ESYT2: variants seen among roughly 807,000 people sequenced by gnomAD.
ESYT2 encodes the protein extended synaptotagmin 2.
In ESYT2, 54 loss-of-function variants were observed where a neutral mutation model predicts 107.2. The observed-to-expected ratio is 0.50, with a 90% CI of 0.40 to 0.63. The LOEUF is 0.63. Ranked by LOEUF, ESYT2 falls within the 30% of genes least tolerant of loss-of-function variation. ESYT2 has a pLI of 0.00. For synonymous variants in ESYT2, 491 were observed against 434.1 expected (o/e 1.13, Z -1.63); for missense variants, 1,020 against 1,094.5 (o/e 0.93, Z 0.96).
chr7:158,808,330 C>G (rs145280220), intron 1 of ESYT2, among the ~76,000 whole-genome samples: 3 of 152,250 alleles, frequency 2.0e-5, no homozygotes, highest in African/African-American at 4.8e-5. Context: ...ACGTTCGCGC[C>G]GAGCATGCTC....
chr7:158,768,871 T>TAAAC (rs1838258020), intron 7 of ESYT2, among the ~76,000 whole-genome samples: 1 of 152,214 alleles, frequency 6.6e-6, no homozygotes, highest in Non-Finnish European at 1.5e-5. Flanking sequence ...CATCTCTATT[T>TAAAC]AAACAAACAA....
chr7:158,766,224 T>C (rs1838160142), intron 8 of ESYT2, among the ~76,000 whole-genome samples: 4 of 152,288 alleles, frequency 2.6e-5, no homozygotes, highest in African/African-American at 7.2e-5. Context: ...CAGGAATACA[T>C]GTCCCCCCAC....
intron 16 of ESYT2, among the ~76,000 whole-genome samples, chr7:158,745,644 T>G (rs1188942902): frequency 1.3e-5 from 2 of 152,026 alleles, no homozygotes; most frequent in Admixed American, 6.6e-5. Context: ...ATACAAAGTA[T>G]GTACTCTGAC....
At chr7:158,741,273 C>T (rs1837191233) in intron 18 of ESYT2, among the ~76,000 whole-genome samples, 1 of 152,214 alleles carries the variant, frequency 6.6e-6, no homozygotes. Flanking sequence ...TACTGTGAAA[C>T]CTATTACTCC....
At chr7:158,792,121 C>T (rs1004591744) in intron 4 of ESYT2, among the ~76,000 whole-genome samples, 27 of 147,096 alleles carry the variant, frequency 1.8e-4, no homozygotes, top group African/African-American at 6.2e-4. Flanking sequence ...ACTTTGTATC[C>T]GGCTACTTTC....
intron 1 of ESYT2, among the ~76,000 whole-genome samples, chr7:158,800,707 GTTTC>G (rs1252516053): frequency 3.3e-5 from 5 of 150,118 alleles, no homozygotes; most frequent in East Asian, 2.0e-4. Context: ...TTTTAAATAG[GTTTC>G]TTTTTCTTTT....
intron 1 of ESYT2, among the ~76,000 whole-genome samples, chr7:158,822,843 C>T (rs1170146526): frequency 6.6e-6 from 1 of 152,010 alleles, no homozygotes; most frequent in Non-Finnish European, 1.5e-5. Flanking sequence ...AATTCATATA[C>T]CTAACCCTTT....
Position 158,760,074 on chromosome 7 carries a change from G to A in ESYT2, c.1307C>T (p.Ala436Val), listed in dbSNP as rs1227510268. ...RLEWLTLMPN[A>V]SNLDKVLTDI... ...CAACAGCACCTTGTCGAGGTTTGAC[G>A]CATTTGGCATTAACGTGAGCCACTC... Residue 436 changes from alanine (A) to valine (V), a missense_variant, in exon 12 of 23, where the codon GCG becomes GTG. Transcript: ENST00000275418. 6.8e-6 allele frequency: 11 copies of A among 1,614,018 alleles called. No individual in the cohort carries two copies. The highest frequency in any genetic ancestry group is 1.7e-5 in the Admixed American group (1 of 59,996).
rs1437768397 is a variant in ESYT2, at chr7:158,761,502, T to C, written c.1227A>G (p.Leu409=). 1 of 1,613,986 alleles carries C rather than the reference T, an allele frequency of 6.2e-7. No homozygotes were observed. Among genetic ancestry groups the C allele is most frequent in the Non-Finnish European group, 8.5e-7 (1 of 1,179,966 alleles). The change falls in exon 11 of 23, where the codon TTA becomes TTG. Residue 409 remains leucine, a synonymous_variant. Transcript: ENST00000275418. ...DLIEVEKERL[L]DEWFTLDEVP... ...ACACTCCAGGGAAACTTACTTCATC[T>C]AAAAGGCGCTCCTTTTCAACTTCAA...
intron 1 of ESYT2, among the ~76,000 whole-genome samples, chr7:158,825,287 C>T (rs887399060): frequency 5.3e-5 from 8 of 152,128 alleles, no homozygotes; most frequent in South Asian, 4.2e-4. Context: ...AGTGAGACTC[C>T]GTCTCAAAAA....
chr7:158,828,375 T>C (rs781236561), intron 1 of ESYT2, among the ~76,000 whole-genome samples: 1 of 152,234 alleles, frequency 6.6e-6, no homozygotes, highest in Non-Finnish European at 1.5e-5. Context: ...CTGGGCGCTC[T>C]GAGAGCAGAA....
intron 8 of ESYT2, 26 bp downstream of exon 8, chr7:158,767,628 G>C: frequency 1.2e-6 from 2 of 1,601,080 alleles, no homozygotes; most frequent in Non-Finnish European, 1.7e-6. Context: ...GTTTTTAAAT[G>C]TGAATGGATG....
At chr7:158,739,198 A>T in intron 18 of ESYT2, 77 bp from the exon 19 acceptor site, 1 of 1,209,884 alleles carries the variant, frequency 8.3e-7, no homozygotes, top group South Asian at 1.3e-5. Context: ...ACTGTACACG[A>T]TAAAATAATT....
intron 6 of ESYT2, among the ~76,000 whole-genome samples, chr7:158,781,885 G>A (rs578176511): frequency 6.6e-6 from 1 of 150,892 alleles, no homozygotes; most frequent in Non-Finnish European, 1.5e-5. Flanking sequence ...GAACAAGTAA[G>A]AACGAGAACA....
At chr7:158,766,660 C>T (rs937689485) in intron 8 of ESYT2, among the ~76,000 whole-genome samples, 3 of 152,186 alleles carry the variant, frequency 2.0e-5, no homozygotes, top group African/African-American at 7.2e-5. Flanking sequence ...AAAAAGGCAT[C>T]AGGAGAAAGC....
intron 1 of ESYT2, among the ~76,000 whole-genome samples, chr7:158,801,151 GGGA>G (rs1455758225): frequency 1.3e-5 from 2 of 152,220 alleles, no homozygotes; most frequent in East Asian, 3.9e-4. Context: ...ACAGGAGCAC[GGGA>G]GGAGCTGCCT....
chr7:158,818,781 G>C (rs1243674948), intron 1 of ESYT2, among the ~76,000 whole-genome samples: 1 of 152,248 alleles, frequency 6.6e-6, no homozygotes, highest in African/African-American at 2.4e-5. Flanking sequence ...CCAAGGGCAG[G>C]GAGTTAGGAA....
At chr7:158,771,360 T>TC (rs998042159) in intron 7 of ESYT2, among the ~76,000 whole-genome samples, 1 of 152,220 alleles carries the variant, frequency 6.6e-6, no homozygotes, top group African/African-American at 2.4e-5. Flanking sequence ...CAGTATCTCC[T>TC]CCCCCTATTT....
chr7:158,807,041 C>G (rs1839850595), intron 1 of ESYT2, among the ~76,000 whole-genome samples: 1 of 151,080 alleles, frequency 6.6e-6, no homozygotes, highest in South Asian at 2.1e-4. Flanking sequence ...ATATGAGAAA[C>G]TACATGAGAT....
Sources: gnomAD v4.1 joint callset for allele counts (sites outside exome capture counted in the v4.1 genomes callset) on GRCh38, gnomAD v4.1.1 for gene constraint, MANE v1.5 for transcripts, NCBI Gene and HGNC (gene_info 2026-07-23, HGNC 2026-07-21) for gene names.